The following GPC5 variants were observed in gnomAD, a reference collection of about 807,000 sequenced individuals.
The protein encoded by GPC5 is glypican-5.
GPC5 carries 47 observed loss-of-function variants against 53.9 expected under a neutral mutation model. The ratio of observed to expected loss-of-function variants is 0.87; its 90% CI spans 0.69 to 1.11. The LOEUF is 1.11. Among genes scored for constraint, GPC5 ranks in the 50% most tolerant of loss-of-function variants. The pLI is 0.00. For missense variants in GPC5, 748 were observed against 713.1 expected, an observed-to-expected ratio of 1.05 and a Z score of -0.56; for synonymous variants, 286 against 263.3, an observed-to-expected ratio of 1.09 and a Z score of -0.84.
At chr13:92,403,527 C>T (rs990155161) in intron 7 of GPC5, among the ~76,000 whole-genome samples, 1 of 152,156 alleles carries the variant, frequency 6.6e-6, no homozygotes, top group Non-Finnish European at 1.5e-5. Flanking sequence ...ATCTAGGCTG[C>T]ATGTTCCTTA....
intron 7 of GPC5, among the ~76,000 whole-genome samples, chr13:92,486,460 TA>T (rs1243253963): frequency 6.6e-6 from 1 of 152,180 alleles, no homozygotes; most frequent in African/African-American, 2.4e-5. Context: ...TGTAATTTTT[TA>T]AATAAAGAGG....
intron 2 of GPC5, among the ~76,000 whole-genome samples, chr13:91,457,663 C>G (rs1340805159): frequency 1.3e-5 from 2 of 152,046 alleles, no homozygotes; most frequent in East Asian, 1.9e-4. Context: ...GGTAATTAAC[C>G]AAAAACCAGG....
chr13:92,722,206 C>T (rs7327567), intron 7 of GPC5, among the ~76,000 whole-genome samples: 7,605 of 151,902 alleles, frequency 0.05, 275 homozygotes, highest in African/African-American at 0.1. Context: ...AAAGGAAAAA[C>T]AAATATGATT....
At chr13:92,283,439 G>A (rs970773790) in intron 7 of GPC5, among the ~76,000 whole-genome samples, 15 of 151,994 alleles carry the variant, frequency 9.9e-5, no homozygotes, top group South Asian at 2.1e-4. Context: ...CAGAATATAC[G>A]TTCTTCTCAG....
chr13:92,741,339 G>A (rs1383727223), intron 7 of GPC5, among the ~76,000 whole-genome samples: 2 of 151,846 alleles, frequency 1.3e-5, no homozygotes, highest in Non-Finnish European at 2.9e-5. Flanking sequence ...TCACATTAAT[G>A]TATTCAGGCA....
chr13:91,408,241 A>C (rs544552129), intron 1 of GPC5, among the ~76,000 whole-genome samples: 6 of 152,208 alleles, frequency 3.9e-5, no homozygotes, highest in Admixed American at 3.9e-4. Context: ...GCTCCTGATA[A>C]TCACCATTCT....
intron 7 of GPC5, among the ~76,000 whole-genome samples, chr13:92,255,235 G>T (rs1269411917): frequency 6.6e-6 from 1 of 152,054 alleles, no homozygotes; most frequent in Non-Finnish European, 1.5e-5. Flanking sequence ...ACTTACCAAG[G>T]AAAAGAACAT....
chr13:92,512,790 A>T (rs1165225338), intron 7 of GPC5, among the ~76,000 whole-genome samples: 4 of 152,134 alleles, frequency 2.6e-5, no homozygotes, highest in Non-Finnish European at 4.4e-5. Context: ...ACATTCTTAG[A>T]ATCAGTTTTC....
At chr13:92,855,203 CTTCT>C (rs1167537154) in intron 7 of GPC5, among the ~76,000 whole-genome samples, 2 of 151,904 alleles carry the variant, frequency 1.3e-5, no homozygotes, top group African/African-American at 4.8e-5. Flanking sequence ...TAGCACCAGG[CTTCT>C]TTGTTTGTTC....
intron 6 of GPC5, among the ~76,000 whole-genome samples, chr13:92,028,390 C>T (rs2040816473): frequency 6.6e-6 from 1 of 152,072 alleles, no homozygotes; most frequent in South Asian, 2.1e-4. Flanking sequence ...ATTTATACTT[C>T]TGTTAGAGTG....
At chr13:91,428,156 T>A (rs1476201686) in intron 1 of GPC5, among the ~76,000 whole-genome samples, 2 of 152,176 alleles carry the variant, frequency 1.3e-5, no homozygotes, top group Non-Finnish European at 2.9e-5. Context: ...CATAGTTCAG[T>A]GAGTGTTACA....
chr13:92,012,214 C>CA (rs1306776027), intron 6 of GPC5, among the ~76,000 whole-genome samples: 2 of 152,112 alleles, frequency 1.3e-5, no homozygotes, highest in African/African-American at 4.8e-5. Flanking sequence ...CCTCATTTGG[C>CA]ATTGCTTTTT....
At chr13:92,378,655 C>A (rs996448339) in intron 7 of GPC5, among the ~76,000 whole-genome samples, 38 of 152,088 alleles carry the variant, frequency 2.5e-4, no homozygotes, top group Admixed American at 2.2e-3. Context: ...CTTAATGAGA[C>A]CTTTTTATAG....
chr13:91,568,295 T>A (rs1199235964), intron 2 of GPC5, among the ~76,000 whole-genome samples: 3 of 152,294 alleles, frequency 2.0e-5, no homozygotes, highest in Non-Finnish European at 4.4e-5. Context: ...AAATGCAGAA[T>A]CTTTGCCCTC....
At chr13:91,822,708 AG>A (rs944041752) in intron 5 of GPC5, among the ~76,000 whole-genome samples, 23 of 152,200 alleles carry the variant, frequency 1.5e-4, no homozygotes, top group Middle Eastern at 3.4e-3. Context: ...CTATAATTCA[AG>A]ATCAGATTTG....
intron 6 of GPC5, among the ~76,000 whole-genome samples, chr13:92,007,045 T>C (rs2040613871): frequency 6.6e-6 from 1 of 152,168 alleles, no homozygotes; most frequent in Non-Finnish European, 1.5e-5. Context: ...ACCTTTAATA[T>C]GATAAAGTAA....
intron 4 of GPC5, among the ~76,000 whole-genome samples, chr13:91,749,388 T>C (rs536075732): frequency 6.6e-6 from 1 of 152,350 alleles, no homozygotes; most frequent in Non-Finnish European, 1.5e-5. Context: ...TAGTATTCCA[T>C]TGTGTATAAT....
chr13:91,789,077 G>C (rs566951187), intron 5 of GPC5, among the ~76,000 whole-genome samples: 3 of 152,228 alleles, frequency 2.0e-5, no homozygotes, highest in African/African-American at 7.2e-5. Flanking sequence ...AGCTGGGCAT[G>C]GTGGCACGGC....
At chr13:91,948,460 T>C (rs1369041801) in intron 6 of GPC5, among the ~76,000 whole-genome samples, 1 of 152,062 alleles carries the variant, frequency 6.6e-6, no homozygotes, top group African/African-American at 2.4e-5. Flanking sequence ...TGGGGATACA[T>C]CAATGAATTC....
Sources: allele counts gnomAD v4.1 joint callset (sites outside exome capture counted in the v4.1 genomes callset), GRCh38; gene constraint gnomAD v4.1.1; transcripts MANE v1.5; gene names NCBI Gene and HGNC (gene_info 2026-07-23, HGNC 2026-07-21).